Variants in ELP4 observed in about 807,000 individuals in gnomAD.
ELP4 encodes elongator acetyltransferase complex subunit 4.
ELP4 carries 51 observed loss-of-function variants against 48.9 expected under a neutral mutation model. The ratio of observed to expected loss-of-function variants is 1.04; its 90% CI spans 0.83 to 1.32. ELP4 has a LOEUF of 1.32. Ranked by LOEUF, ELP4 falls within the 40% of genes most tolerant of loss-of-function variation. The pLI is 0.00. For missense variants in ELP4, 519 were observed against 514.6 expected (o/e 1.01, Z -0.08); for synonymous variants, 210 against 189.2 (o/e 1.11, Z -0.90).
At chr11:31,530,441 G>A (rs1227691935) in intron 2 of ELP4, among the ~76,000 whole-genome samples, 1 of 152,134 alleles carries the variant, frequency 6.6e-6, no homozygotes, top group Non-Finnish European at 1.5e-5. Flanking sequence ...GGAAAAGGTG[G>A]GGAGGGAGTG....
intron 5 of ELP4, among the ~76,000 whole-genome samples, chr11:31,613,035 G>A (rs962428400): frequency 4.6e-5 from 7 of 152,168 alleles, no homozygotes; most frequent in African/African-American, 1.4e-4. Context: ...AAATTCCGTC[G>A]TGCTTTGGAG....
intron 5 of ELP4, among the ~76,000 whole-genome samples, chr11:31,615,420 G>A (rs1159149721): frequency 2.0e-5 from 3 of 151,978 alleles, no homozygotes; most frequent in African/African-American, 7.2e-5. Flanking sequence ...GCATACAGTA[G>A]CTGGCATAGT....
intron 9 of ELP4, among the ~76,000 whole-genome samples, chr11:31,771,982 T>TA (rs954231264): frequency 3.5e-4 from 51 of 146,908 alleles, no homozygotes; most frequent in East Asian, 5.9e-4. Flanking sequence ...ACTCCGTCTC[T>TA]AAAAAAAAAA....
chr11:31,612,062 G>T (rs1472310508), intron 5 of ELP4, among the ~76,000 whole-genome samples: 1 of 152,162 alleles, frequency 6.6e-6, no homozygotes, highest in Admixed American at 6.5e-5. Flanking sequence ...GGCCAATGTG[G>T]CTGAAATAGT....
At chr11:31,536,262 C>T (rs996726536) in intron 2 of ELP4, among the ~76,000 whole-genome samples, 2 of 151,780 alleles carry the variant, frequency 1.3e-5, no homozygotes, top group Admixed American at 6.6e-5. Flanking sequence ...TTTCAACTCT[C>T]ATGGGTAAGT....
chr11:31,690,617 G>T (rs148362035), intron 9 of ELP4, among the ~76,000 whole-genome samples: 1 of 151,776 alleles, frequency 6.6e-6, no homozygotes, highest in Admixed American at 6.6e-5. Context: ...GCATAATTCC[G>T]TTAGCTTCCT....
intron 9 of ELP4, among the ~76,000 whole-genome samples, chr11:31,757,713 G>A (rs1001708250): frequency 6.6e-6 from 1 of 152,154 alleles, no homozygotes; most frequent in African/African-American, 2.4e-5. Context: ...ACTTGAATGT[G>A]ATTAAGAGAA....
intron 5 of ELP4, among the ~76,000 whole-genome samples, chr11:31,604,976 T>C (rs1161373955): frequency 6.6e-6 from 1 of 152,044 alleles, no homozygotes; most frequent in Non-Finnish European, 1.5e-5. Context: ...GGTTATGTAG[T>C]ACTAATATGC....
At chr11:31,601,733 T>C (rs1174247305) in intron 4 of ELP4, among the ~76,000 whole-genome samples, 3 of 152,120 alleles carry the variant, frequency 2.0e-5, no homozygotes, top group Non-Finnish European at 4.4e-5. Context: ...AAAGTCTCTT[T>C]CTTTCTCTCT....
chr11:31,650,714 A>G (rs1485215594), intron 9 of ELP4: 1 of 151,884 alleles, frequency 6.6e-6, no homozygotes, highest in Non-Finnish European at 1.5e-5. Flanking sequence ...TTTCTAAGAC[A>G]CTACAACTTT....
rs1297333464 is a variant in ELP4 at position 31,789,684 on chromosome 11, A to G, written c.*6160A>G. On this transcript the variant is annotated 3_prime_UTR_variant, in exon 10 of 10. Transcript: ENST00000640961. The stretch of plus-strand genomic sequence containing the variant: ...ACAAATGCCCATTTACAAATAATAC[A>G]CCAAAATGAATAAAAGTTTGGATAC... The G allele has an allele frequency of 4.3e-6, 3 of 702,706 alleles. No individual in the cohort carries two copies. In the African/African-American group the frequency reaches 5.2e-5, roughly 12 times the overall value. The allele number at this position is 702,706 out of a possible 1,614,324, so 43.5% of individuals were successfully genotyped here.
At chr11:31,534,387 T>A (rs577372223) in intron 2 of ELP4, among the ~76,000 whole-genome samples, 1 of 151,992 alleles carries the variant, frequency 6.6e-6, no homozygotes, top group African/African-American at 2.4e-5. Flanking sequence ...AGAAAATGAG[T>A]TACTGGGTTT....
At chr11:31,680,696 A>C (rs1376759641) in intron 9 of ELP4, among the ~76,000 whole-genome samples, 3 of 152,204 alleles carry the variant, frequency 2.0e-5, no homozygotes, top group Non-Finnish European at 4.4e-5. Flanking sequence ...TGTTGTATGC[A>C]ATAGAGAAGG....
At chr11:31,747,696 A>G (rs1414069011) in intron 9 of ELP4, among the ~76,000 whole-genome samples, 2 of 152,216 alleles carry the variant, frequency 1.3e-5, no homozygotes, top group African/African-American at 4.8e-5. Flanking sequence ...AGTAGTAATC[A>G]CCATGGTCAG....
At chr11:31,630,520 G>T (rs373637824) in intron 6 of ELP4, among the ~76,000 whole-genome samples, 1 of 151,806 alleles carries the variant, frequency 6.6e-6, no homozygotes, top group Non-Finnish European at 1.5e-5. Context: ...GTAGAGACAG[G>T]GTTTCACTAC....
At chr11:31,702,306 AAATAATAATAATAACAATAACAATAAT>A (rs1946541740) in intron 9 of ELP4, among the ~76,000 whole-genome samples, 1 of 92,430 alleles carries the variant, frequency 1.1e-5, no homozygotes, top group Non-Finnish European at 2.1e-5. Context: ...TTGTCTCTAA[AAATAATAATAATAACAATAACAATAAT>A]AATAATAATA....
At chr11:31,730,427 C>T (rs962312328) in intron 9 of ELP4, among the ~76,000 whole-genome samples, 6 of 152,142 alleles carry the variant, frequency 3.9e-5, no homozygotes, top group Non-Finnish European at 7.3e-5. Flanking sequence ...CTAAAGGCCA[C>T]ACCTCTTAAT....
At chr11:31,744,892 C>T (rs1037259196) in intron 9 of ELP4, among the ~76,000 whole-genome samples, 1 of 152,086 alleles carries the variant, frequency 6.6e-6, no homozygotes. Context: ...CTGGCCAGGG[C>T]ACTCAGGCAG....
intron 3 of ELP4, among the ~76,000 whole-genome samples, chr11:31,545,515 AC>A (rs549924993): frequency 0.026 from 4,025 of 152,264 alleles, 168 homozygotes; most frequent in African/African-American, 0.091. Flanking sequence ...TGATTGGTGT[AC>A]CTGAAAGTGA....
Sources: gnomAD v4.1 joint callset for allele counts (sites outside exome capture counted in the v4.1 genomes callset) on GRCh38, gnomAD v4.1.1 for gene constraint, MANE v1.5 for transcripts, NCBI Gene and HGNC (gene_info 2026-07-23, HGNC 2026-07-21) for gene names.